The following LINGO2 variants were observed in gnomAD, a reference collection of about 807,000 sequenced individuals.
The protein encoded by LINGO2 is leucine-rich repeat and immunoglobulin-like domain-containing nogo receptor-interacting protein 2.
In LINGO2, 14 loss-of-function variants were observed where a neutral mutation model predicts 30.6. That is an observed-to-expected ratio of 0.46 (90% CI 0.30 to 0.72). LINGO2 has a LOEUF of 0.72. LINGO2 is among the 30% of genes least tolerant of loss of function. The probability of loss-of-function intolerance (pLI) is 0.07; values close to 1 mark genes in which losing one functional copy is unlikely to be tolerated. For synonymous variants in LINGO2, 317 were observed against 288.5 expected (o/e 1.10, Z -1.00); for missense variants, 729 against 751.7 (o/e 0.97, Z 0.35).
At chr9:29,053,006 T>A in the LINGO2 span, among the ~76,000 whole-genome samples, 3 of 151,842 alleles carry the variant, frequency 2.0e-5, no homozygotes, top group Non-Finnish European at 4.4e-5. Context: ...GTCATCATTT[T>A]AAAAAAAAGG....
downstream of LINGO2, among the ~76,000 whole-genome samples, chr9:27,947,517 C>T (rs1823412408): frequency 6.6e-6 from 1 of 152,116 alleles, no homozygotes. Context: ...AGACAAATTC[C>T]TCTTTATTAT....
chr9:28,641,641 G>C (rs1016225116), intron 1 of LINGO2, among the ~76,000 whole-genome samples: 1 of 152,148 alleles, frequency 6.6e-6, no homozygotes, highest in Non-Finnish European at 1.5e-5. Flanking sequence ...TTTGCAGTCA[G>C]CAATATCATG....
At chr9:28,616,514 T>C (rs1040032200) in intron 1 of LINGO2, among the ~76,000 whole-genome samples, 1 of 152,218 alleles carries the variant, frequency 6.6e-6, no homozygotes, top group African/African-American at 2.4e-5. Context: ...ACTGCCATAA[T>C]GCATTATTAA....
chr9:28,449,032 C>CGT (rs140779747), intron 2 of LINGO2, among the ~76,000 whole-genome samples: 24,827 of 137,738 alleles, frequency 0.18, 2,203 homozygotes, highest in East Asian at 0.25. Flanking sequence ...TATTCACATT[C>CGT]GTGTGTGTGT....
At chr9:28,047,034 GT>G (rs994529725) in intron 4 of LINGO2, among the ~76,000 whole-genome samples, 4 of 152,174 alleles carry the variant, frequency 2.6e-5, no homozygotes, top group African/African-American at 9.6e-5. Context: ...CAGCCCCTAA[GT>G]AATGCTTAGC....
intron 3 of LINGO2, among the ~76,000 whole-genome samples, chr9:28,328,684 C>A (rs1825315040): frequency 6.6e-6 from 1 of 152,018 alleles, no homozygotes; most frequent in Non-Finnish European, 1.5e-5. Flanking sequence ...CCATAATGTG[C>A]CAAATTTCCT....
the LINGO2 span, among the ~76,000 whole-genome samples, chr9:28,769,599 T>G: frequency 7.0e-6 from 1 of 143,788 alleles, no homozygotes; most frequent in Admixed American, 7.0e-5. Context: ...ATTCAAAAAT[T>G]TTGATGTTGC....
At chr9:27,958,444 T>A (rs1819683594) in intron 5 of LINGO2, among the ~76,000 whole-genome samples, 1 of 152,160 alleles carries the variant, frequency 6.6e-6, no homozygotes, top group South Asian at 2.1e-4. Context: ...AGTATCAGAG[T>A]ACAGTAGCCC....
chr9:28,123,572 A>G (rs1380845992), intron 4 of LINGO2, among the ~76,000 whole-genome samples: 4 of 152,234 alleles, frequency 2.6e-5, no homozygotes, highest in Non-Finnish European at 5.9e-5. Context: ...CTCATCTGGC[A>G]TTCAAAAATG....
chr9:28,032,900 C>T (rs1206051042), intron 4 of LINGO2, among the ~76,000 whole-genome samples: 2 of 152,182 alleles, frequency 1.3e-5, no homozygotes, highest in Non-Finnish European at 2.9e-5. Context: ...AGGCGGCTGC[C>T]TTCTTTTGTC....
the LINGO2 span, among the ~76,000 whole-genome samples, chr9:28,947,540 G>C: frequency 6.6e-6 from 1 of 151,912 alleles, no homozygotes; most frequent in Non-Finnish European, 1.5e-5. Flanking sequence ...ATTTGAGTCT[G>C]CTATTGTGCC....
intron 4 of LINGO2, among the ~76,000 whole-genome samples, chr9:28,244,936 T>C (rs1195327556): frequency 6.6e-6 from 1 of 152,048 alleles, no homozygotes; most frequent in African/African-American, 2.4e-5. Flanking sequence ...AAGTAAGGAC[T>C]CCTCCCTAAC....
chr9:28,074,221 G>C (rs762643936), intron 4 of LINGO2, among the ~76,000 whole-genome samples: 3 of 152,164 alleles, frequency 2.0e-5, no homozygotes, highest in Non-Finnish European at 4.4e-5. Context: ...GACCAACCTT[G>C]ACTTCAGAGA....
the LINGO2 span, among the ~76,000 whole-genome samples, chr9:28,860,485 T>A: frequency 6.6e-6 from 1 of 152,016 alleles, no homozygotes. Flanking sequence ...TCCAGACAGC[T>A]GCCCCATCTC....
chr9:29,072,612 G>GATAT, the LINGO2 span, among the ~76,000 whole-genome samples: 11 of 135,698 alleles, frequency 8.1e-5, 1 homozygote, highest in Non-Finnish European at 9.8e-5. Context: ...GTCTCTCTTT[G>GATAT]ATATATATAT....
chr9:28,247,497 G>A (rs1211555240), intron 4 of LINGO2, among the ~76,000 whole-genome samples: 1 of 152,134 alleles, frequency 6.6e-6, no homozygotes, highest in Non-Finnish European at 1.5e-5. Context: ...ACTAACACAG[G>A]AACAGAAAAC....
chr9:29,092,240 A>T, the LINGO2 span, among the ~76,000 whole-genome samples: 1 of 152,050 alleles, frequency 6.6e-6, no homozygotes, highest in East Asian at 1.9e-4. Context: ...TATAAAAGTT[A>T]GAGTCAGGGC....
intron 3 of LINGO2, among the ~76,000 whole-genome samples, chr9:28,343,352 A>T (rs1241277215): frequency 6.6e-6 from 1 of 152,192 alleles, no homozygotes; most frequent in South Asian, 2.1e-4. Context: ...ATAAACAAAT[A>T]AACAAAAAAT....
intron 2 of LINGO2, among the ~76,000 whole-genome samples, chr9:28,471,804 G>C (rs980538551): frequency 6.6e-6 from 1 of 152,134 alleles, no homozygotes; most frequent in Admixed American, 6.6e-5. Flanking sequence ...TGTACAGCAA[G>C]AGAAATTTTC....
Sources: gnomAD v4.1 joint callset for allele counts (sites outside exome capture counted in the v4.1 genomes callset) on GRCh38, gnomAD v4.1.1 for gene constraint, MANE v1.5 for transcripts, NCBI Gene and HGNC (gene_info 2026-07-23, HGNC 2026-07-21) for gene names.